Variants in ASTN2 observed in about 807,000 individuals in gnomAD.
ASTN2 encodes the protein astrotactin 2, also known as astrotactin-2.
ASTN2 carries 54 observed loss-of-function variants against 139.8 expected under a neutral mutation model. That is an observed-to-expected ratio of 0.39 (90% CI 0.31 to 0.48). The LOEUF (loss-of-function observed/expected upper bound fraction) is 0.48, where lower values mean the gene tolerates loss of function less well. ASTN2 is among the 20% of genes least tolerant of loss of function. The probability of loss-of-function intolerance (pLI) is 0.95; values close to 1 mark genes in which losing one functional copy is unlikely to be tolerated. For missense variants in ASTN2, 1,565 were observed against 1,725.1 expected (o/e 0.91, Z 1.64); for synonymous variants, 756 against 719.5 (o/e 1.05, Z -0.81).
chr9:116,806,005 G>A (rs1328141647), intron 12 of ASTN2, among the ~76,000 whole-genome samples, 185 bp from the exon 13 acceptor site: 1 of 152,174 alleles, frequency 6.6e-6, no homozygotes, highest in Non-Finnish European at 1.5e-5. Context: ...CTGCAAATTG[G>A]TAAATTCAAG....
chr9:117,188,571 C>G (rs992206645), intron 3 of ASTN2, among the ~76,000 whole-genome samples: 1 of 152,186 alleles, frequency 6.6e-6, no homozygotes, highest in East Asian at 1.9e-4. Flanking sequence ...GAGGAAACAT[C>G]GTAGCTGGGA....
At chr9:116,702,135 A>C (rs1389859937) in intron 16 of ASTN2, among the ~76,000 whole-genome samples, 1 of 152,120 alleles carries the variant, frequency 6.6e-6, no homozygotes, top group African/African-American at 2.4e-5. Context: ...GTTCTGTCTT[A>C]TTAGTCATGT....
chr9:116,768,011 T>C (rs1829854556), intron 13 of ASTN2, among the ~76,000 whole-genome samples: 1 of 152,136 alleles, frequency 6.6e-6, no homozygotes, highest in Admixed American at 6.6e-5. Flanking sequence ...GCATTGAAGA[T>C]GAAAACAAAA....
chr9:116,873,842 C>A (rs1362323937), intron 10 of ASTN2, among the ~76,000 whole-genome samples: 2 of 152,178 alleles, frequency 1.3e-5, no homozygotes, highest in Non-Finnish European at 2.9e-5. Context: ...TGTCTTCCTG[C>A]TGTTCCAGCC....
intron 7 of ASTN2, among the ~76,000 whole-genome samples, chr9:117,006,993 T>C (rs1168339312): frequency 6.6e-6 from 1 of 152,152 alleles, no homozygotes; most frequent in Non-Finnish European, 1.5e-5. Context: ...GATGCGTGCC[T>C]GTAATCCCCG....
intron 19 of ASTN2, among the ~76,000 whole-genome samples, chr9:116,591,880 G>A (rs755827406): frequency 6.6e-6 from 1 of 152,128 alleles, no homozygotes; most frequent in Non-Finnish European, 1.5e-5. Flanking sequence ...GCATTTTTAT[G>A]TGGGAATGTT....
At chr9:117,200,945 T>C (rs925361124) in intron 3 of ASTN2, among the ~76,000 whole-genome samples, 1 of 151,074 alleles carries the variant, frequency 6.6e-6, no homozygotes, top group Non-Finnish European at 1.5e-5. Context: ...TGGTACCAGC[T>C]CCTCTTTGTA....
intron 19 of ASTN2, among the ~76,000 whole-genome samples, chr9:116,549,631 A>G (rs1401886613): frequency 6.6e-6 from 1 of 152,190 alleles, no homozygotes; most frequent in Admixed American, 6.5e-5. Flanking sequence ...AACCTTTATG[A>G]AACGATTCTG....
intron 19 of ASTN2, among the ~76,000 whole-genome samples, chr9:116,569,119 C>T: frequency 6.6e-6 from 1 of 152,134 alleles, no homozygotes; most frequent in East Asian, 1.9e-4. Flanking sequence ...GCGAAATGTC[C>T]CTTTTCATGT....
At chr9:117,286,127 C>T (rs1009900952) in intron 2 of ASTN2, among the ~76,000 whole-genome samples, 4 of 152,052 alleles carry the variant, frequency 2.6e-5, no homozygotes, top group Non-Finnish European at 5.9e-5. Flanking sequence ...AATTATATGA[C>T]CAACCCTCTG....
chr9:117,179,361 A>G (rs1830999096), intron 3 of ASTN2, among the ~76,000 whole-genome samples: 2 of 152,164 alleles, frequency 1.3e-5, no homozygotes, highest in Admixed American at 1.3e-4. Flanking sequence ...GTGTATGTAT[A>G]TATATCCACA....
chr9:117,111,596 T>C (rs947044758), intron 4 of ASTN2, among the ~76,000 whole-genome samples: 1 of 151,990 alleles, frequency 6.6e-6, no homozygotes, highest in African/African-American at 2.4e-5. Flanking sequence ...TAAATACAGA[T>C]AACTGGAGTC....
At chr9:116,866,869 G>C (rs1203496496) in intron 10 of ASTN2, among the ~76,000 whole-genome samples, 1 of 130,354 alleles carries the variant, frequency 7.7e-6, no homozygotes, top group Non-Finnish European at 1.5e-5. Flanking sequence ...CTCTAGCCTA[G>C]GTGACACAGC....
intron 19 of ASTN2, among the ~76,000 whole-genome samples, chr9:116,565,377 CTCTCTCTCTCCATATA>C (rs1480499812): frequency 0.013 from 424 of 33,126 alleles, 14 homozygotes; most frequent in African/African-American, 0.054. Flanking sequence ...CTCTCTCTCT[CTCTCTCTCTCCATATA>C]TATATATATA....
At chr9:116,439,194 A>ATT (rs1016270368) in intron 22 of ASTN2, among the ~76,000 whole-genome samples, 621 of 56,712 alleles carry the variant, frequency 0.011, 5 homozygotes, top group Middle Eastern at 0.015. Context: ...ATTCAAATAC[A>ATT]TTTTTTTTTT....
intron 13 of ASTN2, among the ~76,000 whole-genome samples, chr9:116,781,119 A>G (rs1588287744): frequency 6.6e-6 from 1 of 152,202 alleles, no homozygotes; most frequent in East Asian, 1.9e-4. Flanking sequence ...GGATTACATG[A>G]GCCACCCTGC....
chr9:117,302,759 C>A (rs1365342914), intron 1 of ASTN2, among the ~76,000 whole-genome samples: 2 of 152,174 alleles, frequency 1.3e-5, no homozygotes, highest in Admixed American at 1.3e-4. Context: ...AGTGACCAAA[C>A]AGAGCCTAGA....
chr9:116,863,732 C>T lies in ASTN2; in HGVS notation c.1891G>A (p.Glu631Lys). 6.2e-7 allele frequency: 1 copy of T among 1,609,616 alleles called. No individual in the cohort carries two copies. Among genetic ancestry groups the T allele is most frequent in the Non-Finnish European group, 8.5e-7 (1 of 1,177,138 alleles). ...AAGTATGTGGACAGCATCGCTTCTT[C>T]CCTTGGAGAGAAAGGGGATGGTTAA... is the stretch of plus-strand genomic sequence containing the variant. ...LVTEDPADVR[E>K]EAMLSTYFET... Residue 631 changes from glutamate to lysine, a missense_variant and splice_region_variant, in exon 11 of 23, where the codon GAA (glutamate) becomes AAA (lysine). Glu to Lys is a moderately conservative substitution (Grantham distance 56). Transcript: ENST00000313400.
chr9:116,837,436 C>G (rs1442736833), intron 11 of ASTN2, among the ~76,000 whole-genome samples: 1 of 152,144 alleles, frequency 6.6e-6, no homozygotes, highest in Non-Finnish European at 1.5e-5. Context: ...AGGAAGATGC[C>G]TGGAGGATTC....
Sources: allele counts gnomAD v4.1 joint callset (sites outside exome capture counted in the v4.1 genomes callset), GRCh38; gene constraint gnomAD v4.1.1; transcripts MANE v1.5; gene names NCBI Gene and HGNC (gene_info 2026-07-23, HGNC 2026-07-21).